Variants in WDR36 observed in about 807,000 individuals in gnomAD.
WDR36 encodes WD repeat-containing protein 36.
A neutral mutation model predicts 112.7 loss-of-function variants in WDR36; 63 were observed. That is an observed-to-expected ratio of 0.56 (90% CI 0.46 to 0.69). The LOEUF (loss-of-function observed/expected upper bound fraction) is 0.69, where lower values mean the gene tolerates loss of function less well. WDR36 is among the 30% of genes least tolerant of loss of function. The probability of loss-of-function intolerance (pLI) is 0.00; values close to 1 mark genes in which losing one functional copy is unlikely to be tolerated. For missense variants in WDR36, 1,226 were observed against 1,070.3 expected, an observed-to-expected ratio of 1.15 and a Z score of -2.03; for synonymous variants, 410 against 362.2, an observed-to-expected ratio of 1.13 and a Z score of -1.50.
At chr5:111,094,268 C>G (rs1366144271) in intron 1 of WDR36, among the ~76,000 whole-genome samples, 1 of 152,164 alleles carries the variant, frequency 6.6e-6, no homozygotes, top group African/African-American at 2.4e-5. Flanking sequence ...CAAATTTACT[C>G]ATTGAATCCT....
chr5:111,098,512 A>C (rs909719064), intron 3 of WDR36, among the ~76,000 whole-genome samples: 1 of 152,122 alleles, frequency 6.6e-6, no homozygotes, highest in Admixed American at 6.6e-5. Context: ...TGGACAGTTT[A>C]CTTCCTTATT....
intron 1 of WDR36, among the ~76,000 whole-genome samples, chr5:111,094,622 C>T (rs1189989149): frequency 6.6e-6 from 1 of 152,138 alleles, no homozygotes; most frequent in Non-Finnish European, 1.5e-5. Context: ...TTTCATGCTA[C>T]GGTGGCAGAA....
chr5:111,098,347 T>C (rs1753037720), intron 3 of WDR36, among the ~76,000 whole-genome samples: 1 of 152,024 alleles, frequency 6.6e-6, no homozygotes, highest in Admixed American at 6.6e-5. Context: ...GGTGATGGAG[T>C]CTTTAGAGAT....
chr5:111,105,684 A>T (rs532108744), intron 10 of WDR36, among the ~76,000 whole-genome samples: 1 of 151,582 alleles, frequency 6.6e-6, no homozygotes, highest in East Asian at 1.9e-4. Flanking sequence ...AAAGCATCAA[A>T]GTAAGTGGCA....
In WDR36 at chr5:111,127,492, G is replaced by A. The variant is rs931815438; in HGVS notation, c.*609G>A. 1.9e-5 allele frequency: 4 copies of A among 207,844 alleles called. No homozygotes were observed. The East Asian group carries it at 2.9e-4, about 15-fold the overall frequency. The allele number at this position is 207,844 out of a possible 1,614,324, so 12.9% of individuals were successfully genotyped here. A position where few individuals can be genotyped will look rare whatever the true frequency, so the allele number is the denominator to read the frequency against. ...TAAAAATATGAATGATTGACTCTCA[G>A]AGTTGGAGGATAAACTAATCATCTT... is the stretch of plus-strand genomic sequence containing the variant. On this transcript the variant is annotated 3_prime_UTR_variant, in exon 23 of 23. Coordinates refer to ENST00000513710, the MANE Select transcript of WDR36 (RefSeq NM_139281.3).
chr5:111,103,308 T>A lies in WDR36; in HGVS notation c.598-478T>A, dbSNP rs141274752. On this transcript the variant is annotated intron_variant, in intron 6 of 22. Coordinates refer to ENST00000513710, the MANE Select transcript of WDR36 (RefSeq NM_139281.3). ...AACTGGAACAGACTAATTGTAAAAC[T>A]TTTTTTGCCTTTTCACATGTTTTGT... Among the ~76,000 whole-genome samples, 419 of 151,878 alleles carry A rather than the reference T, an allele frequency of 2.8e-3. 2 individuals carry two copies. Among genetic ancestry groups the A allele is most frequent in the Non-Finnish European group, 4.4e-3 (300 of 67,782 alleles).
At position 111,127,089 on chromosome 5, in the gene WDR36, C is replaced by A; in HGVS notation, c.*206C>A. 1 of 489,340 alleles carries A rather than the reference C, an allele frequency of 2.0e-6. No homozygotes were observed. The highest frequency in any genetic ancestry group is 3.5e-6 in the Non-Finnish European group (1 of 287,960). The allele number at this position is 489,340 out of a possible 1,614,324, so 30.3% of individuals were successfully genotyped here. ...TGATGGATAATGCCTGTAATTCCAG[C>A]ACTTTCAGAGGCCAAAGCGGGAGGA... On this transcript the variant is annotated 3_prime_UTR_variant, in exon 23 of 23. Coordinates refer to ENST00000513710, the MANE Select transcript of WDR36 (RefSeq NM_139281.3).
chr5:111,111,520 C>T (rs1753340132), intron 15 of WDR36: 1 of 423,772 alleles, frequency 2.4e-6, no homozygotes, highest in Admixed American at 3.6e-5. Flanking sequence ...CTAAACAAGG[C>T]CAAAGTATAC....
intron 19 of WDR36, among the ~76,000 whole-genome samples, chr5:111,122,218 G>A (rs1753581531): frequency 6.6e-6 from 1 of 152,074 alleles, no homozygotes. Context: ...TCAAATGCAA[G>A]GCATTAATAA....
Position 111,100,592 on chromosome 5 carries a change from A to G in WDR36, c.413A>G (p.Glu138Gly). The change falls in exon 5 of 23, where the codon GAA (glutamate) becomes GGA (glycine). Residue 138 changes from glutamate (E) to glycine (G), a missense_variant. By Grantham distance (98) the Glu-to-Gly change is moderately conservative. Coordinates refer to ENST00000513710, the MANE Select transcript of WDR36 (RefSeq NM_139281.3). Reference protein sequence around the residue: ...LIIWHIYSEEEYLQLTFDKSV... With the variant: ...LIIWHIYSEEGYLQLTFDKSV... ...TTTATAACTTTCACTTTTGTAGAAG[A>G]ATACCTGCAGTTGACTTTTGATAAA... 1 of 1,555,968 alleles carries G rather than the reference A, an allele frequency of 6.4e-7. No homozygotes were observed. Among genetic ancestry groups the G allele is most frequent in the South Asian group, 1.2e-5 (1 of 83,894 alleles).
chr5:111,122,144 G>A (rs1753580264), intron 19 of WDR36, among the ~76,000 whole-genome samples: 1 of 152,162 alleles, frequency 6.6e-6, no homozygotes, highest in Admixed American at 6.5e-5. Context: ...TAGGAGCATG[G>A]TGTGGAATCT....
At chr5:111,096,352 AGATTTT>A (rs1752979997) in intron 2 of WDR36, among the ~76,000 whole-genome samples, 1 of 152,226 alleles carries the variant, frequency 6.6e-6, no homozygotes, top group East Asian at 1.9e-4. Flanking sequence ...TTAGAGATTT[AGATTTT>A]GAGTTACTTT....
rs200337257 is a variant in WDR36, at chr5:111,092,567, G to T, written c.111G>T (p.Lys37Asn). The T allele has an allele frequency of 2.5e-4, 400 of 1,614,208 alleles. 2 individuals carry two copies. Among genetic ancestry groups the T allele is most frequent in the Middle Eastern group, 1.3e-3 (8 of 6,062 alleles). The change falls in exon 1 of 23, where the codon AAG becomes AAT. Residue 37 changes from lysine (K) to asparagine (N), a missense_variant. Lys to Asn is a moderately conservative substitution (Grantham distance 94, BLOSUM62 0). Coordinates refer to ENST00000513710, the MANE Select transcript of WDR36 (RefSeq NM_139281.3). ...ACGTGGTGCGGTTCAGCGCGCTCAA[G>T]CGCCGGTTCTATGTAACAACCTGCG... is the stretch of plus-strand genomic sequence containing the variant. ...IPHVVRFSALKRRFYVTTCVG... is the reference protein window; with the variant it reads ...IPHVVRFSALNRRFYVTTCVG...
intron 1 of WDR36, 37 bp from the exon 2 acceptor site, chr5:111,094,883 G>T (rs1752943982): frequency 6.6e-7 from 1 of 1,520,138 alleles, no homozygotes; most frequent in African/African-American, 1.4e-5. Flanking sequence ...GATTATGTTT[G>T]TTAATGAAAA....
intron 16 of WDR36, among the ~76,000 whole-genome samples, chr5:111,116,828 T>G (rs571694359): frequency 7.2e-5 from 11 of 152,158 alleles, no homozygotes; most frequent in Admixed American, 1.3e-4. Flanking sequence ...GACAAGATAA[T>G]TATAGTTTGA....
In WDR36 at chr5:111,119,130, T is replaced by G. The variant is rs1417043171; in HGVS notation, c.1904+10T>G. 1 of 1,587,028 alleles carries G rather than the reference T, an allele frequency of 6.3e-7. No individual in the cohort carries two copies. Among genetic ancestry groups the G allele is most frequent in the Non-Finnish European group, 8.7e-7 (1 of 1,155,568 alleles). On this transcript the variant is annotated intron_variant, in intron 17 of 22. Coordinates refer to ENST00000513710, the MANE Select transcript of WDR36 (RefSeq NM_139281.3). ...TTGGAATTTATCTATGGTAAGTTCT[T>G]TCATACAGTTCTGTTTTGGGATGAA...
rs745983885 is a variant in WDR36, at chr5:111,129,351, T to C, written c.*2468T>C. 4 of 192,924 alleles carry C rather than the reference T, an allele frequency of 2.1e-5. No homozygotes were observed. The highest frequency in any genetic ancestry group is 4.3e-5 in the Non-Finnish European group (4 of 92,362). The allele number at this position is 192,924 out of a possible 1,614,324, so 12.0% of individuals were successfully genotyped here. A position where few individuals can be genotyped will look rare whatever the true frequency, so the allele number is the denominator to read the frequency against. On this transcript the variant is annotated 3_prime_UTR_variant, in exon 23 of 23. Transcript: ENST00000513710. ...CCAGAATGGCTGTATCAAGTTACAGTTCCCCTGAGCAAGATATGAGCATCT... is the reference window on the plus strand; with the variant it reads ...CCAGAATGGCTGTATCAAGTTACAGCTCCCCTGAGCAAGATATGAGCATCT...
intron 21 of WDR36, among the ~76,000 whole-genome samples, chr5:111,125,145 G>A (rs571097737): frequency 6.6e-6 from 1 of 152,126 alleles, no homozygotes; most frequent in South Asian, 2.1e-4. Context: ...TGTACTGTTA[G>A]TAATATAGTT....
rs35527062 is a variant in WDR36, at chr5:111,113,052, A to ATATATATTTTT, written c.1717-21_1717-20insATATATTTTTT. 5.4e-4 allele frequency: 258 copies of ATATATATTTTT among 473,582 alleles called. No individual in the cohort carries two copies. In the African/African-American group the frequency reaches 6.4e-3, roughly 12 times the overall value. The allele number at this position is 473,582 out of a possible 1,614,324, so 29.3% of individuals were successfully genotyped here. ...ATATAAATAATATATATATATATATATTTTTTTTTTTTAATTTAAAGGCTT... is the reference window on the plus strand; with the variant it reads ...ATATAAATAATATATATATATATATATATATATTTTTTTTTTTTTTTTTAATTTAAAGGCTT... On this transcript the variant is annotated intron_variant, in intron 15 of 22. Coordinates refer to ENST00000513710, the MANE Select transcript of WDR36 (RefSeq NM_139281.3).
Sources: allele counts gnomAD v4.1 joint callset (sites outside exome capture counted in the v4.1 genomes callset), GRCh38; gene constraint gnomAD v4.1.1; transcripts MANE v1.5; gene names NCBI Gene and HGNC (gene_info 2026-07-23, HGNC 2026-07-21).